The following ZNF678 variants were observed in gnomAD, a reference collection of about 807,000 sequenced individuals.
ZNF678 encodes zinc finger protein 678.
ZNF678 carries 5 observed loss-of-function variants against 3.0 expected under a neutral mutation model. The ratio of observed to expected loss-of-function variants is 1.69; its 90% CI spans 0.88 to 3.56. ZNF678 has a LOEUF of 3.56. Among genes scored for constraint, ZNF678 ranks in the 30% most tolerant of loss-of-function variants. The pLI is 0.00. For missense variants in ZNF678, 593 were observed against 605.0 expected (o/e 0.98, Z 0.21); for synonymous variants, 218 against 199.6 (o/e 1.09, Z -0.78).
intron 1 of ZNF678, among the ~76,000 whole-genome samples, chr1:227,646,191 A>G (rs1658951328): frequency 1.3e-5 from 2 of 152,224 alleles, no homozygotes; most frequent in African/African-American, 4.8e-5. Flanking sequence ...TTCTTGTTGT[A>G]TGCGTTAAAA....
At chr1:227,611,979 C>A (rs1189510722) in intron 1 of ZNF678, among the ~76,000 whole-genome samples, 2 of 152,202 alleles carry the variant, frequency 1.3e-5, no homozygotes, top group Non-Finnish European at 2.9e-5. Context: ...CTGTACTTCA[C>A]AAGACTGTCA....
At chr1:227,635,787 G>A (rs749764211) in intron 1 of ZNF678, among the ~76,000 whole-genome samples, 13 of 151,988 alleles carry the variant, frequency 8.6e-5, no homozygotes, top group African/African-American at 1.5e-4. Context: ...CTATCTTGCC[G>A]GCACATGCTG....
intron 1 of ZNF678, among the ~76,000 whole-genome samples, chr1:227,567,808 A>G (rs1481713892): frequency 6.6e-6 from 1 of 151,620 alleles, no homozygotes; most frequent in African/African-American, 2.4e-5. Context: ...TTTAGGGTAC[A>G]TGTGCACAAT....
chr1:227,573,849 G>A (rs953350053), intron 1 of ZNF678, among the ~76,000 whole-genome samples: 1 of 152,092 alleles, frequency 6.6e-6, no homozygotes, highest in African/African-American at 2.4e-5. Flanking sequence ...ATAAGTCCCA[G>A]TGTCTTTTGT....
intron 1 of ZNF678, chr1:227,598,533 C>G: frequency 8.5e-7 from 1 of 1,177,178 alleles, no homozygotes; most frequent in Non-Finnish European, 1.2e-6. Context: ...TCATTTTTCA[C>G]TGCTTTTCTT....
At chr1:227,611,777 T>C (rs192015764) in intron 1 of ZNF678, among the ~76,000 whole-genome samples, 62 of 152,328 alleles carry the variant, frequency 4.1e-4, no homozygotes, top group Admixed American at 4.1e-3. Context: ...CACAGTTGGT[T>C]GCAGTTTATC....
chr1:227,593,942 C>G (rs1178664309), intron 1 of ZNF678, among the ~76,000 whole-genome samples: 2 of 146,946 alleles, frequency 1.4e-5, no homozygotes, highest in Non-Finnish European at 3.0e-5. Context: ...CAGGCTGGCT[C>G]AAGTTTTTCT....
chr1:227,574,822 A>G (rs992689860), intron 1 of ZNF678, among the ~76,000 whole-genome samples: 2 of 151,964 alleles, frequency 1.3e-5, no homozygotes, highest in Non-Finnish European at 2.9e-5. Context: ...TATCCATCTT[A>G]AGTTAATTTT....
chr1:227,579,526 C>A (rs1657069402), intron 1 of ZNF678, among the ~76,000 whole-genome samples: 1 of 152,114 alleles, frequency 6.6e-6, no homozygotes, highest in Non-Finnish European at 1.5e-5. Context: ...GTAAAACCTG[C>A]CCATATAGAC....
chr1:227,567,583 G>A (rs1036274397), intron 1 of ZNF678, among the ~76,000 whole-genome samples: 11 of 152,150 alleles, frequency 7.2e-5, no homozygotes, highest in African/African-American at 1.4e-4. Flanking sequence ...GTTGGAAGAC[G>A]GGTTCAGAAG....
At chr1:227,643,166 TAGGAGG>T (rs752970327) in intron 1 of ZNF678, among the ~76,000 whole-genome samples, 5 of 151,452 alleles carry the variant, frequency 3.3e-5, no homozygotes, top group Non-Finnish European at 5.9e-5. Context: ...TTATTAGTAG[TAGGAGG>T]AGGAGGAGGA....
downstream of ZNF678, among the ~76,000 whole-genome samples, chr1:227,677,967 T>G (rs953611139): frequency 2.0e-5 from 3 of 152,190 alleles, no homozygotes; most frequent in Admixed American, 2.0e-4. Flanking sequence ...AAAAGTAGAA[T>G]CTGGGATATA....
At chr1:227,651,471 A>G (rs959335943) in intron 3 of ZNF678, among the ~76,000 whole-genome samples, 1 of 152,176 alleles carries the variant, frequency 6.6e-6, no homozygotes, top group Admixed American at 6.5e-5. Context: ...GCAGTTCTGC[A>G]TCTATGGCCG....
At chr1:227,676,666 TC>T (rs1329820355) in intron 5 of ZNF678, among the ~76,000 whole-genome samples, 3 of 121,042 alleles carry the variant, frequency 2.5e-5, no homozygotes, top group Non-Finnish European at 3.4e-5. Context: ...ATGCTATCCC[TC>T]CCCCCTCCCC....
At chr1:227,642,109 G>T (rs1448706695) in intron 1 of ZNF678, among the ~76,000 whole-genome samples, 1 of 152,188 alleles carries the variant, frequency 6.6e-6, no homozygotes, top group Non-Finnish European at 1.5e-5. Context: ...AGTAAACCAG[G>T]TTGACTCTGC....
At chr1:227,641,083 C>T (rs974343664) in intron 1 of ZNF678, among the ~76,000 whole-genome samples, 10 of 152,340 alleles carry the variant, frequency 6.6e-5, no homozygotes, top group African/African-American at 1.9e-4. Flanking sequence ...TACCAGTAGG[C>T]GAGATCAGTG....
intron 2 of ZNF678, among the ~76,000 whole-genome samples, chr1:227,650,356 C>CT (rs1491114561): frequency 1.2e-4 from 18 of 152,100 alleles, no homozygotes; most frequent in African/African-American, 3.6e-4. Flanking sequence ...ATTTTGTTCC[C>CT]TTTTTTTGTA....
intron 1 of ZNF678, among the ~76,000 whole-genome samples, chr1:227,566,845 T>C (rs1337323669): frequency 6.6e-6 from 1 of 151,858 alleles, no homozygotes; most frequent in African/African-American, 2.4e-5. Context: ...TGTAGTAAGT[T>C]TCTTAGTTCT....
rs925121015 is a variant in ZNF678 at position 227,563,592 on chromosome 1, A to G, written c.-296A>G. 19 of 969,878 alleles carry G rather than the reference A, an allele frequency of 2.0e-5. No homozygotes were observed. The African/African-American group carries it at 2.9e-4, about 15-fold the overall frequency. The allele number at this position is 969,878 out of a possible 1,614,324, so 60.1% of individuals were successfully genotyped here. On this transcript the variant is annotated 5_prime_UTR_variant, in exon 1 of 4. Transcript: ENST00000343776. ...GCTCCAGCTGGAGCTTTGGTCCCGTATTCTCGGCTATTTATCCCCAGCTGC... is the reference window on the plus strand; with the variant it reads ...GCTCCAGCTGGAGCTTTGGTCCCGTGTTCTCGGCTATTTATCCCCAGCTGC...
Sources: allele counts gnomAD v4.1 joint callset (sites outside exome capture counted in the v4.1 genomes callset), GRCh38; gene constraint gnomAD v4.1.1; transcripts MANE v1.5; gene names NCBI Gene and HGNC (gene_info 2026-07-23, HGNC 2026-07-21).